SPMIP2: variants seen among roughly 807,000 people sequenced by gnomAD.
The protein encoded by SPMIP2 is sperm microtubule inner protein 2, also known as protein SPMIP2.
chr4:159,026,856 T>C, the SPMIP2 span, among the ~76,000 whole-genome samples: 1 of 150,496 alleles, frequency 6.6e-6, no homozygotes, highest in East Asian at 1.9e-4. Context: ...GCAGTAATTA[T>C]TTATATACAT....
chr4:158,913,214 C>CTGT, the SPMIP2 span, among the ~76,000 whole-genome samples: 50 of 152,132 alleles, frequency 3.3e-4, no homozygotes, highest in African/African-American at 7.5e-4. Flanking sequence ...TTTGTTGTTG[C>CTGT]TGTTGTTGTT....
chr4:159,003,917 A>AC, the SPMIP2 span, among the ~76,000 whole-genome samples: 1 of 152,180 alleles, frequency 6.6e-6, no homozygotes, highest in Non-Finnish European at 1.5e-5. Flanking sequence ...TCTAACCTCG[A>AC]CCAGATAAGA....
the SPMIP2 span, among the ~76,000 whole-genome samples, chr4:158,983,971 C>T: frequency 5.3e-4 from 56 of 105,712 alleles, no homozygotes; most frequent in African/African-American, 2.0e-3. Context: ...AAATGGAAAA[C>T]AAAAAAAGGC....
the SPMIP2 span, among the ~76,000 whole-genome samples, chr4:158,988,085 A>G: frequency 3.9e-5 from 6 of 152,356 alleles, no homozygotes; most frequent in Admixed American, 3.9e-4. Context: ...GCAGAAATAC[A>G]AACTACCATC....
chr4:159,069,781 G>A, the SPMIP2 span, among the ~76,000 whole-genome samples: 1 of 151,344 alleles, frequency 6.6e-6, no homozygotes, highest in African/African-American at 2.4e-5. Flanking sequence ...TATTCCTAAT[G>A]AAGCAAACAT....
At chr4:158,893,247 A>G in the SPMIP2 span, 12 of 154,470 alleles carry the variant, frequency 7.8e-5, no homozygotes, top group Non-Finnish European at 1.4e-4. Flanking sequence ...AAATACTTTA[A>G]AAGCCATATA....
the SPMIP2 span, among the ~76,000 whole-genome samples, chr4:159,071,371 T>C: frequency 2.0e-5 from 3 of 152,204 alleles, no homozygotes; most frequent in East Asian, 5.8e-4. Context: ...TTGTCCAGAG[T>C]GAGCTTCCTC....
the SPMIP2 span, among the ~76,000 whole-genome samples, chr4:158,932,423 C>T: frequency 6.6e-6 from 1 of 152,260 alleles, no homozygotes; most frequent in African/African-American, 2.4e-5. Flanking sequence ...GAGCCAAGAT[C>T]GTACCACTGC....
chr4:158,984,249 C>A, the SPMIP2 span, among the ~76,000 whole-genome samples: 1 of 53,132 alleles, frequency 1.9e-5, no homozygotes, highest in African/African-American at 6.1e-5. Flanking sequence ...CAAGGATACC[C>A]AGGAATTGAA....
the SPMIP2 span, chr4:158,895,906 T>G: frequency 7.1e-7 from 1 of 1,402,684 alleles, no homozygotes; most frequent in Non-Finnish European, 1.0e-6. Context: ...CTTTGATAGG[T>G]ATCCCTAGCA....
the SPMIP2 span, among the ~76,000 whole-genome samples, chr4:158,963,926 C>A: frequency 2.0e-5 from 3 of 151,954 alleles, no homozygotes; most frequent in Non-Finnish European, 4.4e-5. Flanking sequence ...CTCTGGGAGG[C>A]GGGCAGATCA....
At chr4:159,037,785 TACACACAC>T in the SPMIP2 span, among the ~76,000 whole-genome samples, 96 of 118,998 alleles carry the variant, frequency 8.1e-4, no homozygotes, top group Non-Finnish European at 1.1e-3. Context: ...AAACAATATA[TACACACAC>T]ACACACACAC....
chr4:158,977,716 G>A, the SPMIP2 span, among the ~76,000 whole-genome samples: 32 of 145,942 alleles, frequency 2.2e-4, no homozygotes, highest in African/African-American at 7.1e-4. Flanking sequence ...CCGGGTTCAC[G>A]CCATTCTCCT....
chr4:158,946,938 C>A, the SPMIP2 span, among the ~76,000 whole-genome samples: 2 of 152,134 alleles, frequency 1.3e-5, no homozygotes, highest in African/African-American at 4.8e-5. Flanking sequence ...TCTATCAGCA[C>A]CAACTATCTT....
chr4:159,028,833 C>T, the SPMIP2 span, among the ~76,000 whole-genome samples: 1 of 152,172 alleles, frequency 6.6e-6, no homozygotes, highest in Non-Finnish European at 1.5e-5. Flanking sequence ...CGGTGGCTCA[C>T]ACCTGTAACC....
the SPMIP2 span, chr4:159,035,061 A>G: frequency 6.2e-7 from 1 of 1,613,414 alleles, no homozygotes; most frequent in Non-Finnish European, 8.5e-7. Flanking sequence ...TTCCCACAGT[A>G]GTAGATGTTG....
chr4:159,064,145 A>G, the SPMIP2 span, among the ~76,000 whole-genome samples: 10 of 152,282 alleles, frequency 6.6e-5, no homozygotes, highest in African/African-American at 2.4e-4. Context: ...CAGGAGGTGG[A>G]GTTTGCAGTG....
At chr4:158,945,491 G>A in the SPMIP2 span, among the ~76,000 whole-genome samples, 101 of 152,260 alleles carry the variant, frequency 6.6e-4, 1 homozygote, top group African/African-American at 2.3e-3. Flanking sequence ...CCTTTTCATC[G>A]AACATGGAAG....
At chr4:159,072,164 AT>A in the SPMIP2 span, among the ~76,000 whole-genome samples, 225 of 152,222 alleles carry the variant, frequency 1.5e-3, 1 homozygote, top group African/African-American at 5.1e-3. Flanking sequence ...AAATACAGAA[AT>A]TAGCTAGGTG....
Sources: allele counts gnomAD v4.1 joint callset (sites outside exome capture counted in the v4.1 genomes callset), GRCh38; gene constraint gnomAD v4.1.1; transcripts MANE v1.5; gene names NCBI Gene and HGNC (gene_info 2026-07-23, HGNC 2026-07-21).